Variants in ERI1 observed in about 807,000 individuals in gnomAD.
ERI1 encodes exoribonuclease 1, also known as 3'-5' exoribonuclease 1.
ERI1 carries 39 observed loss-of-function variants against 39.7 expected under a neutral mutation model. The observed-to-expected ratio is 0.98, with a 90% CI of 0.76 to 1.28. ERI1 has a LOEUF of 1.28. Ranked by LOEUF, ERI1 falls within the 50% of genes most tolerant of loss-of-function variation. ERI1 has a pLI of 0.00. For missense variants in ERI1, 581 were observed against 416.9 expected (o/e 1.39, Z -3.43); for synonymous variants, 204 against 149.6 (o/e 1.36, Z -2.65).
intron 3 of ERI1, among the ~76,000 whole-genome samples, chr8:9,038,761 G>C (rs890914599): frequency 3.3e-5 from 5 of 152,134 alleles, no homozygotes; most frequent in Non-Finnish European, 7.4e-5. Context: ...TATTTACTCA[G>C]TCATTTGCAT....
At chr8:9,023,923 C>G (rs1253283576) in intron 6 of ERI1, among the ~76,000 whole-genome samples, 1 of 151,224 alleles carries the variant, frequency 6.6e-6, no homozygotes, top group African/African-American at 2.4e-5. Context: ...CTCAGCCTCC[C>G]GAGTAGCTGG....
intron 3 of ERI1, among the ~76,000 whole-genome samples, chr8:9,013,226 G>T (rs1267805613): frequency 6.6e-6 from 1 of 151,156 alleles, no homozygotes; most frequent in Non-Finnish European, 1.5e-5. Flanking sequence ...TGTTGCGCAG[G>T]CTGGTTTCAA....
intron 3 of ERI1, among the ~76,000 whole-genome samples, chr8:9,040,480 C>T (rs561825071): frequency 3.4e-4 from 51 of 152,178 alleles, no homozygotes; most frequent in Non-Finnish European, 4.9e-4. Context: ...TTTTGTAGAA[C>T]GGAAGAAATA....
downstream of ERI1, among the ~76,000 whole-genome samples, chr8:9,037,941 G>A (rs1315285580): frequency 6.7e-6 from 1 of 149,512 alleles, no homozygotes; most frequent in African/African-American, 2.4e-5. Context: ...CTTGAAAAAG[G>A]TCATTGGTTG....
In ERI1 at chr8:9,016,364, C is replaced by G. The variant is rs754180504; in HGVS notation, c.541C>G (p.Gln181Glu). The G allele has an allele frequency of 1.2e-6, 2 of 1,607,756 alleles. No homozygotes were observed. Among genetic ancestry groups the G allele is most frequent in the South Asian group, 1.1e-5 (1 of 90,216 alleles). The change falls in exon 4 of 7, where the codon CAG (glutamine) becomes GAG (glutamate). Residue 181 changes from glutamine (Q) to glutamate (E), a missense_variant. Coordinates refer to ENST00000250263, the MANE Select transcript of ERI1 (RefSeq NM_153332.4). ...QQYVRPEINT[Q>E]LSDFCISLTG... is the part of the protein sequence containing the mutation. ...GTATGTAAGACCAGAGATTAACACA[C>G]AGCTGTCTGATTTCTGCATCAGTCT...
In ERI1 at chr8:9,080,764, C is replaced by T. The variant is rs187200751; in HGVS notation, n.300-35584C>T. ...CCCCTCCCCCAAGGCACCACTCTCT[C>T]GGCTCCTGCAGGAACAAGCATTTAG... On this transcript the variant is annotated intron_variant and non_coding_transcript_variant, in intron 3 of 3. Transcript: ENST00000518663. Among the ~76,000 whole-genome samples, 686 of 152,256 alleles carry T rather than the reference C, an allele frequency of 4.5e-3. 2 individuals are homozygous for T. The highest frequency in any genetic ancestry group is 7.7e-3 in the Non-Finnish European group (523 of 68,020).
chr8:9,003,027 C>T lies in ERI1; in HGVS notation c.-37C>T, dbSNP rs923720174. The stretch of plus-strand genomic sequence containing the variant: ...CTGCAGAGTGAGAGTTAGCAAGTGT[C>T]CGGCTCCAGCAACTCTCCTCTGGCG... On this transcript the variant is annotated 5_prime_UTR_variant, in exon 1 of 7. Transcript: ENST00000250263. 3 of 1,195,088 alleles carry T rather than the reference C, an allele frequency of 2.5e-6. No individual in the cohort carries two copies. The Admixed American group carries it at 1.3e-4, about 51-fold the overall frequency. The allele number at this position is 1,195,088 out of a possible 1,614,324, so 74.0% of individuals were successfully genotyped here.
chr8:9,021,443 T>C (rs1185802678), intron 6 of ERI1, among the ~76,000 whole-genome samples: 1 of 152,214 alleles, frequency 6.6e-6, no homozygotes, highest in African/African-American at 2.4e-5. Context: ...AGTTTCATTT[T>C]GGAGAAGCAT....
chr8:9,092,129 G>A (rs146315731), intron 3 of ERI1, among the ~76,000 whole-genome samples: 56 of 152,184 alleles, frequency 3.7e-4, no homozygotes, highest in African/African-American at 1.3e-3. Flanking sequence ...GCTAATTTTT[G>A]TAGTTTTTGT....
rs1024686071 is a variant in ERI1 at position 9,032,703 on chromosome 8, C to T, written c.*2669C>T. 6 of 152,126 alleles carry T rather than the reference C, an allele frequency of 3.9e-5. No homozygotes were observed. Among genetic ancestry groups the T allele is most frequent in the Admixed American group, 1.3e-4 (2 of 15,274 alleles). 9.4% of individuals were successfully genotyped at this position (152,126 alleles called of 1,614,324 possible). A position where few individuals can be genotyped will look rare whatever the true frequency, so the allele number is the denominator to read the frequency against. On this transcript the variant is annotated 3_prime_UTR_variant, in exon 7 of 7. Transcript: ENST00000250263. ...TTTAGTATATCATCCCAAGTATTAT[C>T]CCCAAAATGATAATGCAAAACAGAA...
At position 9,020,367 on chromosome 8, in the gene ERI1, A is replaced by T. The variant is rs113760243; in HGVS notation, c.710A>T (p.Lys237Met). The change falls in exon 6 of 7, where the codon AAG becomes ATG. Residue 237 changes from lysine to methionine, a missense_variant. Lys to Met is a moderately conservative substitution (Grantham distance 95, BLOSUM62 -1). Transcript: ENST00000250263. ...ATTTATAGTTCTTGGGATATGAGTA[A>T]GTTCTTGAACATTCAGTGTCAACTC... is the stretch of plus-strand genomic sequence containing the variant. The part of the protein sequence containing the change: ...LLTDGSWDMS[K>M]FLNIQCQLSR... 4.4e-6 allele frequency: 7 copies of T among 1,585,354 alleles called. No individual in the cohort carries two copies. Among genetic ancestry groups the T allele is most frequent in the African/African-American group, 1.4e-5 (1 of 73,544 alleles).
At chr8:9,021,774 G>GTTTTTT (rs200507835) in intron 6 of ERI1, among the ~76,000 whole-genome samples, 4 of 88,288 alleles carry the variant, frequency 4.5e-5, no homozygotes, top group African/African-American at 1.3e-4. Flanking sequence ...TGTTTTTTTT[G>GTTTTTT]TTTTTTTTTT....
At position 9,059,407 on chromosome 8, in the gene ERI1, C is replaced by G. The variant is rs1251226566; in HGVS notation, n.299+38943C>G. 2.0e-5 allele frequency among the ~76,000 whole-genome samples: 3 copies of G among 151,578 alleles called. No individual in the cohort carries two copies. In the East Asian group the frequency reaches 5.8e-4, roughly 29 times the overall value. On this transcript the variant is annotated intron_variant and non_coding_transcript_variant, in intron 3 of 3. Transcript: ENST00000518663. ...TTTTGGGGGTGGTTTGGAGAGATAA[C>G]GGGCGATGTTTCTCAGGGCTGCTTC...
chr8:9,099,514 G>C (rs530682342), intron 3 of ERI1, among the ~76,000 whole-genome samples: 1 of 151,544 alleles, frequency 6.6e-6, no homozygotes, highest in African/African-American at 2.4e-5. Flanking sequence ...AGAATCAGTT[G>C]AGCCTGGGAG....
intron 3 of ERI1, among the ~76,000 whole-genome samples, chr8:9,065,258 G>T (rs1798837794): frequency 1.3e-5 from 2 of 152,304 alleles, no homozygotes; most frequent in South Asian, 4.1e-4. Context: ...CTCAGAATAA[G>T]ATTGTTTAGT....
chr8:9,020,441 A>C lies in ERI1; in HGVS notation c.784A>C (p.Lys262Gln). The C allele has an allele frequency of 6.2e-7, 1 of 1,603,130 alleles. No homozygotes were observed. The highest frequency in any genetic ancestry group is 2.3e-5 in the East Asian group (1 of 44,420). Residue 262 changes from lysine (K) to glutamine (Q), a missense_variant, in exon 6 of 7, where the codon AAG (lysine) becomes CAG (glutamine). Coordinates refer to ENST00000250263, the MANE Select transcript of ERI1 (RefSeq NM_153332.4). ...PFAKKWINIRKSYGNFYKVPR... is the reference protein window; with the variant it reads ...PFAKKWINIRQSYGNFYKVPR... Reference sequence around the variant, plus strand: ...TGCGAAAAAGTGGATCAATATTCGGAAGTCATATGGAAATTTTTACAAGGT... The same window carrying C: ...TGCGAAAAAGTGGATCAATATTCGGCAGTCATATGGAAATTTTTACAAGGT...
chr8:9,023,696 A>G (rs1380408589), intron 6 of ERI1, among the ~76,000 whole-genome samples: 1 of 123,510 alleles, frequency 8.1e-6, no homozygotes. Flanking sequence ...TCTAAGACCT[A>G]AATAAAACTC....
chr8:9,011,790 G>T (rs1427494408), intron 3 of ERI1, 38 bp downstream of exon 3: 2 of 1,481,808 alleles, frequency 1.3e-6, no homozygotes. Flanking sequence ...ATTTCTAGCA[G>T]CAACTATTCT....
chr8:9,004,040 G>T (rs1815679600), intron 1 of ERI1: 1 of 1,277,714 alleles, frequency 7.8e-7, no homozygotes, highest in South Asian at 1.2e-5. Context: ...CTTGGTAATT[G>T]CATCTCACAC....
Sources: allele counts gnomAD v4.1 joint callset (sites outside exome capture counted in the v4.1 genomes callset), GRCh38; gene constraint gnomAD v4.1.1; transcripts MANE v1.5; gene names NCBI Gene and HGNC (gene_info 2026-07-23, HGNC 2026-07-21).